CUX2: variants seen among roughly 807,000 people sequenced by gnomAD.
The protein encoded by CUX2 is cut like homeobox 2, also known as homeobox protein cut-like 2.
Under a neutral mutation model 144.8 loss-of-function variants are expected in CUX2, and 40 were observed. That is an observed-to-expected ratio of 0.28 (90% CI 0.21 to 0.36). The LOEUF (loss-of-function observed/expected upper bound fraction) is 0.36, where lower values mean the gene tolerates loss of function less well. CUX2 is among the 10% of genes least tolerant of loss of function. CUX2 has a pLI of 1.00. For missense variants in CUX2, 1,615 were observed against 1,994.0 expected (o/e 0.81, Z 3.62); for synonymous variants, 827 against 875.6 (o/e 0.94, Z 0.98).
At chr12:111,124,625 TTC>T (rs1874920389) in intron 1 of CUX2, among the ~76,000 whole-genome samples, 4 of 152,284 alleles carry the variant, frequency 2.6e-5, no homozygotes, top group Admixed American at 2.6e-4. Context: ...GAGTTCTGAG[TTC>T]TTTTTTTCTT....
At chr12:111,218,491 G>A (rs1358079995) in intron 3 of CUX2, among the ~76,000 whole-genome samples, 1 of 152,102 alleles carries the variant, frequency 6.6e-6, no homozygotes, top group Non-Finnish European at 1.5e-5. Flanking sequence ...ACACCAACCT[G>A]GGTGACAGAG....
intron 1 of CUX2, among the ~76,000 whole-genome samples, chr12:111,078,747 G>C (rs1871681822): frequency 6.6e-6 from 1 of 152,176 alleles, no homozygotes; most frequent in African/African-American, 2.4e-5. Context: ...TTTGAACAGG[G>C]GGGTGGCTTG....
chr12:111,255,057 G>A lies in CUX2; in HGVS notation c.223-8704G>A, dbSNP rs1317488496. On this transcript the variant is annotated intron_variant, in intron 3 of 21. Coordinates refer to ENST00000261726, the MANE Select transcript of CUX2 (RefSeq NM_015267.4). This position sits in a 1 kb window ranked among gnomAD's most constrained non-coding sequence, Gnocchi z 4.1. ...TTCACATGTTGGCCAGGCTGGTCTC[G>A]AACTCCTGACCACAGATGATCCCTC... is the stretch of plus-strand genomic sequence containing the variant. Among the ~76,000 whole-genome samples, 4 of 152,106 alleles carry A rather than the reference G, an allele frequency of 2.6e-5. No individual in the cohort carries two copies. Among genetic ancestry groups the A allele is most frequent in the Non-Finnish European group, 4.4e-5 (3 of 68,014 alleles).
intron 15 of CUX2, among the ~76,000 whole-genome samples, chr12:111,311,753 C>G (rs867131190): frequency 6.6e-6 from 1 of 152,002 alleles, no homozygotes; most frequent in Non-Finnish European, 1.5e-5. Context: ...TGCAAGCCAC[C>G]ATGCTTGGCT....
rs770511725 is a variant in CUX2, at chr12:111,348,375, C to T, written c.*50C>T. 23 of 1,508,930 alleles carry T rather than the reference C, an allele frequency of 1.5e-5. No individual in the cohort carries two copies. The Admixed American group carries it at 1.9e-4, about 13-fold the overall frequency. The allele number at this position is 1,508,930 out of a possible 1,614,324, so 93.5% of individuals were successfully genotyped here. ...ATACCCTGGTAACTACCTTCCTTCT[C>T]GCACTTACTCTCCTCAACAGGATGG... On this transcript the variant is annotated 3_prime_UTR_variant, in exon 22 of 22. Transcript: ENST00000261726.
chr12:111,093,006 A>G (rs1245350247), intron 1 of CUX2, among the ~76,000 whole-genome samples: 1 of 151,830 alleles, frequency 6.6e-6, no homozygotes, highest in Non-Finnish European at 1.5e-5. Context: ...TGTAGAGACA[A>G]GTTTTTGCCA....
chr12:111,345,312 G>A (rs1176992406), intron 21 of CUX2, among the ~76,000 whole-genome samples: 4 of 150,902 alleles, frequency 2.7e-5, no homozygotes, highest in African/African-American at 9.8e-5. Flanking sequence ...GCATGGTGAC[G>A]TGCACCTGTA....
chr12:111,184,969 G>A (rs1879428088), intron 1 of CUX2, among the ~76,000 whole-genome samples: 1 of 152,074 alleles, frequency 6.6e-6, no homozygotes, highest in Admixed American at 6.5e-5. Flanking sequence ...GGCTGAGGCA[G>A]GAGGAGAATG....
chr12:111,135,220 A>G (rs1875788919), intron 1 of CUX2, among the ~76,000 whole-genome samples: 4 of 147,844 alleles, frequency 2.7e-5, no homozygotes, highest in Admixed American at 2.7e-4. Context: ...AGAAGAAAGA[A>G]TGGGGTGCAG....
chr12:111,236,853 A>G (rs1158373787), intron 3 of CUX2, among the ~76,000 whole-genome samples: 2 of 152,206 alleles, frequency 1.3e-5, no homozygotes, highest in African/African-American at 2.4e-5. Flanking sequence ...GTTGCCTCCT[A>G]AAAGCGGCAA....
chr12:111,306,680 T>C (rs1471966926), intron 10 of CUX2, among the ~76,000 whole-genome samples: 1 of 152,238 alleles, frequency 6.6e-6, no homozygotes, highest in Non-Finnish European at 1.5e-5. Context: ...AGCTGACTCC[T>C]TCCTTTTGTC....
chr12:111,238,880 A>C (rs1882887744), intron 3 of CUX2, among the ~76,000 whole-genome samples: 1 of 152,096 alleles, frequency 6.6e-6, no homozygotes, highest in East Asian at 1.9e-4. Flanking sequence ...CTCTGTCTCT[A>C]CTAAAAATAC....
intron 8 of CUX2, among the ~76,000 whole-genome samples, chr12:111,298,329 G>C (rs1886117432): frequency 6.6e-6 from 1 of 152,200 alleles, no homozygotes; most frequent in South Asian, 2.1e-4. Context: ...CTGGGGGAGA[G>C]GGGAGGCCAG....
intron 1 of CUX2, among the ~76,000 whole-genome samples, chr12:111,087,404 G>C (rs1388824252): frequency 8.1e-6 from 1 of 122,928 alleles, no homozygotes; most frequent in Non-Finnish European, 1.8e-5. Flanking sequence ...AGAAAGAAAA[G>C]AAAGAAAATG....
intron 3 of CUX2, among the ~76,000 whole-genome samples, chr12:111,220,433 C>T (rs1465876166): frequency 3.3e-5 from 5 of 151,940 alleles, no homozygotes; most frequent in African/African-American, 1.2e-4. Flanking sequence ...TAGGAGAAAT[C>T]CTAGGTTTGG....
Position 111,310,340 on chromosome 12 carries a change from C to A in CUX2, c.1558C>A (p.Pro520Thr). The change falls in exon 15 of 22, where the codon CCT becomes ACT. Residue 520 changes from proline (P) to threonine (T), a missense_variant. By Grantham distance (38) the Pro-to-Thr change is conservative (BLOSUM62 -1). Transcript: ENST00000261726. The surrounding 1 kb of genome is among the most constrained non-coding windows in gnomAD (Gnocchi z 7.9). Reference sequence around the variant, plus strand: ...CTATGGCGCCAAGCCCCCCACAGCCCCTGCCACCCCGGCCCCTGGCCCTGA... The same window carrying A: ...CTATGGCGCCAAGCCCCCCACAGCCACTGCCACCCCGGCCCCTGGCCCTGA... ...AFYGAKPPTA[P>T]ATPAPGPEPL... The A allele has an allele frequency of 6.5e-7, 1 of 1,541,984 alleles. No individual in the cohort carries two copies.
chr12:111,075,237 C>T (rs561360990), intron 1 of CUX2, among the ~76,000 whole-genome samples: 2 of 152,304 alleles, frequency 1.3e-5, no homozygotes, highest in East Asian at 3.9e-4. Context: ...CTAGGCGGGC[C>T]GACCCTGTCT....
intron 20 of CUX2, among the ~76,000 whole-genome samples, chr12:111,339,278 T>G (rs978721544): frequency 1.3e-5 from 2 of 152,096 alleles, no homozygotes. Flanking sequence ...CCATCTCTTG[T>G]TGTCCTTTCA....
chr12:111,196,492 T>C (rs1158849167), intron 1 of CUX2, among the ~76,000 whole-genome samples: 1 of 152,212 alleles, frequency 6.6e-6, no homozygotes, highest in Non-Finnish European at 1.5e-5. Flanking sequence ...ATTGTCTTTG[T>C]TGATATTTGA....
Sources: gnomAD v4.1 joint callset for allele counts (sites outside exome capture counted in the v4.1 genomes callset) on GRCh38, gnomAD v4.1.1 for gene constraint, Gnocchi (gnomAD v3.1) non-coding constraint, MANE v1.5 for transcripts, NCBI Gene and HGNC (gene_info 2026-07-23, HGNC 2026-07-21) for gene names.